Variants in ANO2 observed in about 807,000 individuals in gnomAD.
ANO2 encodes the protein anoctamin 2.
Under a neutral mutation model 124.2 loss-of-function variants are expected in ANO2, and 101 were observed. The observed-to-expected ratio is 0.81, with a 90% CI of 0.69 to 0.96. The LOEUF (loss-of-function observed/expected upper bound fraction) is 0.96, where lower values mean the gene tolerates loss of function less well. Among genes scored for constraint, ANO2 ranks in the 40% least tolerant of loss-of-function variants. ANO2 has a pLI of 0.00. For synonymous variants in ANO2, 486 were observed against 482.5 expected, an observed-to-expected ratio of 1.01 and a Z score of -0.09; for missense variants, 1,293 against 1,274.5, an observed-to-expected ratio of 1.01 and a Z score of -0.22.
intron 3 of ANO2, among the ~76,000 whole-genome samples, chr12:5,912,440 G>T (rs939542346): frequency 2.0e-5 from 3 of 152,140 alleles, no homozygotes; most frequent in East Asian, 1.9e-4. Context: ...AGGTTGGGGT[G>T]GGGGGAGGCT....
chr12:5,929,857 C>T (rs80338606), intron 1 of ANO2, among the ~76,000 whole-genome samples: 5 of 115,010 alleles, frequency 4.3e-5, no homozygotes, highest in African/African-American at 1.7e-4. Context: ...CTTCTTTCCT[C>T]ACTCGTCTGC....
intron 1 of ANO2, among the ~76,000 whole-genome samples, chr12:5,930,477 G>C (rs1465682982): frequency 6.6e-6 from 1 of 152,136 alleles, no homozygotes. Context: ...GATCAGGAAA[G>C]ACCCTGTATG....
chr12:5,581,525 T>C (rs1169047239), intron 20 of ANO2, among the ~76,000 whole-genome samples: 3 of 152,200 alleles, frequency 2.0e-5, no homozygotes, highest in Non-Finnish European at 4.4e-5. Flanking sequence ...ATGAATGCTG[T>C]CTTCTAGGGC....
chr12:5,667,179 G>GT (rs1947772489), intron 14 of ANO2, among the ~76,000 whole-genome samples: 1 of 152,146 alleles, frequency 6.6e-6, no homozygotes, highest in African/African-American at 2.4e-5. Flanking sequence ...TCCCTTCCCT[G>GT]TAATAAACCA....
intron 20 of ANO2, among the ~76,000 whole-genome samples, chr12:5,598,185 C>T (rs116184431): frequency 9.6e-4 from 146 of 152,204 alleles, no homozygotes; most frequent in African/African-American, 3.1e-3. Context: ...AAGGTACTGA[C>T]GGCCCTCTGC....
At chr12:5,595,364 C>G (rs978275677) in intron 20 of ANO2, among the ~76,000 whole-genome samples, 2 of 137,132 alleles carry the variant, frequency 1.5e-5, no homozygotes, top group African/African-American at 5.2e-5. Context: ...CTACACTCTA[C>G]TGTTTTTTTT....
In ANO2 at chr12:5,841,296, C is replaced by T. The variant is rs1335995040; in HGVS notation, c.634-8693G>A. ...CTTTCTCTGTGCACACCAAGAACAG[C>T]GAGAACAGGGGCTGCCCATTCCCCT... On this transcript the variant is annotated intron_variant, in intron 4 of 24. Coordinates refer to ENST00000682330, the MANE Select transcript of ANO2 (RefSeq NM_001364791.2). 2.0e-5 allele frequency among the ~76,000 whole-genome samples: 3 copies of T among 152,316 alleles called. No homozygotes were observed. The East Asian group carries it at 5.8e-4, about 29-fold the overall frequency.
chr12:5,597,789 G>C (rs2136879320), intron 20 of ANO2, among the ~76,000 whole-genome samples: 2 of 152,332 alleles, frequency 1.3e-5, no homozygotes, highest in East Asian at 3.9e-4. Flanking sequence ...CTGGGTGAGA[G>C]AATGGCAGAT....
At chr12:5,713,953 G>T (rs1435207209) in intron 14 of ANO2, among the ~76,000 whole-genome samples, 1 of 152,162 alleles carries the variant, frequency 6.6e-6, no homozygotes, top group Non-Finnish European at 1.5e-5. Flanking sequence ...CTCCACTTCT[G>T]CCAGAGAAAG....
chr12:5,565,088 G>A (rs934706129), intron 24 of ANO2, among the ~76,000 whole-genome samples: 1 of 152,104 alleles, frequency 6.6e-6, no homozygotes, highest in Non-Finnish European at 1.5e-5. Context: ...CGATGGCTCT[G>A]GGGGCCCTTC....
chr12:5,651,476 A>T (rs963457687), intron 14 of ANO2, among the ~76,000 whole-genome samples: 1 of 151,446 alleles, frequency 6.6e-6, no homozygotes, highest in Non-Finnish European at 1.5e-5. Flanking sequence ...GCTGGAGTGC[A>T]ATTGCACAAT....
intron 14 of ANO2, among the ~76,000 whole-genome samples, chr12:5,657,492 ATT>A (rs58508961): frequency 4.8e-5 from 7 of 146,976 alleles, no homozygotes; most frequent in African/African-American, 1.5e-4. Flanking sequence ...ATACTTTTCC[ATT>A]TTTTTTTTTT....
intron 10 of ANO2, among the ~76,000 whole-genome samples, chr12:5,784,684 C>T (rs990081135): frequency 1.3e-5 from 2 of 152,190 alleles, no homozygotes; most frequent in Non-Finnish European, 2.9e-5. Context: ...CCTAAACCTC[C>T]TCCCTGAGCA....
chr12:5,690,141 T>A (rs987931450), intron 14 of ANO2, among the ~76,000 whole-genome samples: 1 of 152,058 alleles, frequency 6.6e-6, no homozygotes, highest in African/African-American at 2.4e-5. Flanking sequence ...ATGAAGTCAC[T>A]CCCTAATACA....
At chr12:5,874,620 C>G (rs1018259890) in intron 3 of ANO2, among the ~76,000 whole-genome samples, 5 of 152,192 alleles carry the variant, frequency 3.3e-5, no homozygotes, top group African/African-American at 9.7e-5. Context: ...CCAAGCACCC[C>G]GTGCCTCATG....
At chr12:5,797,440 G>C (rs1952897570) in intron 10 of ANO2, among the ~76,000 whole-genome samples, 1 of 152,166 alleles carries the variant, frequency 6.6e-6, no homozygotes, top group Non-Finnish European at 1.5e-5. Context: ...AGCAAGTTGG[G>C]ACCATTTGGT....
Position 5,750,909 on chromosome 12 carries a change from G to A in ANO2, c.1117C>T (p.Leu373Phe), listed in dbSNP as rs1951415330. The A allele has an allele frequency of 6.2e-7, 1 of 1,611,438 alleles. No individual in the cohort carries two copies. Among genetic ancestry groups the A allele is most frequent in the East Asian group, 2.2e-5 (1 of 44,844 alleles). Reference sequence around the variant, plus strand: ...ACTCCAATTACAGAAGATGGGATGAGGAATGATGTATATAATCCCAGCCAG... The same window carrying A: ...ACTCCAATTACAGAAGATGGGATGAAGAATGATGTATATAATCCCAGCCAG... ...FAWLGLYTSF[L>F]IPSSVIGVIV... Residue 373 changes from leucine to phenylalanine, a missense_variant, in exon 11 of 25, where the codon CTC (leucine) becomes TTC (phenylalanine). By Grantham distance (22) the Leu-to-Phe change is conservative (BLOSUM62 0). Transcript: ENST00000682330.
intron 3 of ANO2, among the ~76,000 whole-genome samples, chr12:5,854,759 G>A (rs1372472150): frequency 6.6e-6 from 1 of 152,164 alleles, no homozygotes; most frequent in Non-Finnish European, 1.5e-5. Context: ...ATAAGTGACT[G>A]TGTTGTGTGT....
intron 20 of ANO2, among the ~76,000 whole-genome samples, chr12:5,588,719 C>T (rs1165405931): frequency 6.6e-6 from 1 of 152,218 alleles, no homozygotes; most frequent in Admixed American, 6.5e-5. Context: ...GTGGCACTGA[C>T]TCTGTTTTAC....
Sources: gnomAD v4.1 joint callset for allele counts (sites outside exome capture counted in the v4.1 genomes callset) on GRCh38, gnomAD v4.1.1 for gene constraint, MANE v1.5 for transcripts, NCBI Gene and HGNC (gene_info 2026-07-23, HGNC 2026-07-21) for gene names.